Variants in CCDC170 observed in about 807,000 individuals in gnomAD.
The protein encoded by CCDC170 is coiled-coil domain containing 170.
CCDC170 carries 69 observed loss-of-function variants against 72.6 expected under a neutral mutation model. The ratio of observed to expected loss-of-function variants is 0.95; its 90% CI spans 0.78 to 1.16. CCDC170 has a LOEUF of 1.16. CCDC170 is among the 50% of genes most tolerant of loss of function. The pLI is 0.00. For synonymous variants in CCDC170, 300 were observed against 303.9 expected (o/e 0.99, Z 0.13); for missense variants, 852 against 832.5 (o/e 1.02, Z -0.29).
At chr6:151,527,539 C>T (rs896246257) in intron 1 of CCDC170, among the ~76,000 whole-genome samples, 1 of 152,110 alleles carries the variant, frequency 6.6e-6, no homozygotes, top group Admixed American at 6.6e-5. Flanking sequence ...AGAAATGCAA[C>T]TTTCAAGACT....
Position 151,552,406 on chromosome 6 carries a change from G to A in CCDC170, c.774+3917G>A, listed in dbSNP as rs533968770. Among the ~76,000 whole-genome samples, 10 of 152,152 alleles carry A rather than the reference G, an allele frequency of 6.6e-5. No individual in the cohort carries two copies. The South Asian group carries it at 1.9e-3, about 28-fold the overall frequency. ...ACTTTACCTAGTGATGTTAGCATAC[G>A]CCGATTCTTGTCTGGATTAACTATT... On this transcript the variant is annotated intron_variant, in intron 5 of 10. Transcript: ENST00000239374.
chr6:151,517,431 CTTCT>C (rs1782251786), intron 1 of CCDC170, among the ~76,000 whole-genome samples: 1 of 147,906 alleles, frequency 6.8e-6, no homozygotes, highest in South Asian at 2.2e-4. Context: ...ATTTCTTCTT[CTTCT>C]TTTTTTTTTT....
At chr6:151,559,581 T>C (rs1783042856) in intron 5 of CCDC170, among the ~76,000 whole-genome samples, 1 of 152,244 alleles carries the variant, frequency 6.6e-6, no homozygotes, top group Non-Finnish European at 1.5e-5. Flanking sequence ...TGAATTTATT[T>C]ATAAGCTTTA....
At chr6:151,522,574 A>G (rs1009243227) in intron 1 of CCDC170, among the ~76,000 whole-genome samples, 1 of 152,104 alleles carries the variant, frequency 6.6e-6, no homozygotes, top group African/African-American at 2.4e-5. Context: ...TAGCCTGTGC[A>G]GTCTAACCCT....
intron 9 of CCDC170, among the ~76,000 whole-genome samples, chr6:151,613,752 T>G (rs1776913362): frequency 3.3e-5 from 5 of 152,218 alleles, no homozygotes; most frequent in Admixed American, 3.3e-4. Flanking sequence ...CTGATGGCAT[T>G]TGGGTTGTTT....
intron 8 of CCDC170, 31 bp from the exon 9 acceptor site, chr6:151,596,304 A>T (rs753829989): frequency 5.0e-5 from 67 of 1,328,000 alleles, no homozygotes; most frequent in Non-Finnish European, 6.0e-5. Context: ...TTCAATTATT[A>T]AAAAAAAAAT....
At chr6:151,585,061 G>A (rs1462525407) in intron 6 of CCDC170, among the ~76,000 whole-genome samples, 1 of 152,142 alleles carries the variant, frequency 6.6e-6, no homozygotes, top group African/African-American at 2.4e-5. Flanking sequence ...ACTGGATTTA[G>A]TAAAATCAGT....
chr6:151,521,910 C>A (rs990210687), intron 1 of CCDC170, among the ~76,000 whole-genome samples: 4 of 150,172 alleles, frequency 2.7e-5, no homozygotes, highest in African/African-American at 4.9e-5. Context: ...GGTGTGAACC[C>A]AGGAGGCGGA....
intron 6 of CCDC170, among the ~76,000 whole-genome samples, chr6:151,578,989 C>G (rs532106167): frequency 6.6e-6 from 1 of 152,086 alleles, no homozygotes; most frequent in East Asian, 1.9e-4. Flanking sequence ...GACTTTACTT[C>G]TAAAAACCAT....
rs185174692 is a variant in CCDC170, at chr6:151,569,635, T to G, written c.775-3539T>G. ...CTGGCCAGTGGTACTGATGTCACAT[T>G]ATTTTATGCCGCTTGCTTCGGCGTA... On this transcript the variant is annotated intron_variant, in intron 5 of 10. Transcript: ENST00000239374. Among the ~76,000 whole-genome samples the G allele has an allele frequency of 2.6e-5, 4 of 152,320 alleles. No individual in the cohort carries two copies. In the East Asian group the frequency reaches 7.7e-4, roughly 29 times the overall value.
rs116419375 is a variant in CCDC170, at chr6:151,562,446, G to A, written c.775-10728G>A. Among the ~76,000 whole-genome samples, 756 of 152,148 alleles carry A rather than the reference G, an allele frequency of 5.0e-3. 6 individuals are homozygous for A. Among genetic ancestry groups the A allele is most frequent in the African/African-American group, 0.017 (719 of 41,508 alleles). ...GATATATATTATGTGTGATCGTTTG[G>A]CTTCATTTTGGGTGATTTCAGAGGG... On this transcript the variant is annotated intron_variant, in intron 5 of 10. Coordinates refer to ENST00000239374, the MANE Select transcript of CCDC170 (RefSeq NM_025059.4).
chr6:151,574,561 T>C (rs1027103919), intron 6 of CCDC170, among the ~76,000 whole-genome samples: 4 of 152,300 alleles, frequency 2.6e-5, no homozygotes, highest in South Asian at 4.1e-4. Flanking sequence ...CTGTGGTGTC[T>C]GGGACAGTTT....
chr6:151,602,591 T>A (rs1233025231), intron 9 of CCDC170, among the ~76,000 whole-genome samples: 1 of 152,130 alleles, frequency 6.6e-6, no homozygotes, highest in Non-Finnish European at 1.5e-5. Context: ...GCTGTTCTCA[T>A]GATAGTGAGT....
At position 151,596,518 on chromosome 6, in the gene CCDC170, A is replaced by G; in HGVS notation, c.1651A>G (p.Thr551Ala). 2 of 1,614,158 alleles carry G rather than the reference A, an allele frequency of 1.2e-6. No individual in the cohort carries two copies. Among genetic ancestry groups the G allele is most frequent in the Non-Finnish European group, 1.7e-6 (2 of 1,180,014 alleles). Residue 551 changes from threonine to alanine, a missense_variant, in exon 9 of 11, where the codon ACG (threonine) becomes GCG (alanine). Thr to Ala is a moderately conservative substitution (Grantham distance 58, BLOSUM62 0). Transcript: ENST00000239374. The part of the protein sequence containing the change: ...KVERLQKELN[T>A]CRDLHTELKA... The stretch of plus-strand genomic sequence containing the variant: ...GGAGAGGCTGCAGAAAGAGCTGAAC[A>G]CGTGTCGAGACTTGCACACCGAGCT...
At chr6:151,498,176 A>G (rs764323534) in intron 1 of CCDC170, among the ~76,000 whole-genome samples, 3 of 152,088 alleles carry the variant, frequency 2.0e-5, no homozygotes, top group Non-Finnish European at 4.4e-5. Flanking sequence ...AGTAGATACC[A>G]TTGTTGGGAA....
At chr6:151,576,321 T>A (rs1776303558) in intron 6 of CCDC170, among the ~76,000 whole-genome samples, 1 of 152,192 alleles carries the variant, frequency 6.6e-6, no homozygotes, top group Non-Finnish European at 1.5e-5. Flanking sequence ...AATGCATTTC[T>A]GACTTAAGGA....
At chr6:151,584,708 TTTC>T (rs1776427915) in intron 6 of CCDC170, among the ~76,000 whole-genome samples, 1 of 152,180 alleles carries the variant, frequency 6.6e-6, no homozygotes, top group South Asian at 2.1e-4. Context: ...AAATATGGAA[TTTC>T]TTCTCTGATT....
At chr6:151,494,293 C>T in intron 1 of CCDC170, 108 bp downstream of exon 1, 2 of 1,199,372 alleles carry the variant, frequency 1.7e-6, no homozygotes, top group South Asian at 1.7e-5. Context: ...GAGGCGTGGG[C>T]AGAATCAGAG....
rs1256155008 is a variant in CCDC170 at position 151,554,872 on chromosome 6, G to GAT, written c.774+6383_774+6384insAT. Among the ~76,000 whole-genome samples, 749 of 102,318 alleles carry GAT rather than the reference G, an allele frequency of 7.3e-3. 7 individuals carry two copies. Among genetic ancestry groups the GAT allele is most frequent in the African/African-American group, 0.026 (711 of 26,840 alleles). 67.1% of individuals were successfully genotyped at this position (102,318 alleles called of 152,430 possible). A position where few individuals can be genotyped will look rare whatever the true frequency, so the allele number is the denominator to read the frequency against. On this transcript the variant is annotated intron_variant, in intron 5 of 10. Transcript: ENST00000239374. Reference sequence around the variant, plus strand: ...CGTAGCTTGATCTTTTTGGACCTCAGTTTTTTTTTTTTTTTTTTTTTTGTG... The same window carrying GAT: ...CGTAGCTTGATCTTTTTGGACCTCAGATTTTTTTTTTTTTTTTTTTTTTTGTG...
Sources: gnomAD v4.1 joint callset for allele counts (sites outside exome capture counted in the v4.1 genomes callset) on GRCh38, gnomAD v4.1.1 for gene constraint, MANE v1.5 for transcripts, NCBI Gene and HGNC (gene_info 2026-07-23, HGNC 2026-07-21) for gene names.